Variants in TP53INP2 observed in about 807,000 individuals in gnomAD.
TP53INP2 encodes tumor protein p53 inducible nuclear protein 2, also known as tumor protein p53-inducible nuclear protein 2.
TP53INP2 carries 12 observed loss-of-function variants against 17.1 expected under a neutral mutation model. That is an observed-to-expected ratio of 0.70 (90% CI 0.45 to 1.14). The LOEUF (loss-of-function observed/expected upper bound fraction) is 1.14. Ranked by LOEUF, TP53INP2 falls within the 50% of genes most tolerant of loss-of-function variation. The probability of loss-of-function intolerance (pLI) is 0.00; values close to 1 mark genes in which losing one functional copy is unlikely to be tolerated. For missense variants in TP53INP2, 342 were observed against 330.9 expected, an observed-to-expected ratio of 1.03 and a Z score of -0.26; for synonymous variants, 145 against 147.3, an observed-to-expected ratio of 0.98 and a Z score of 0.12.
chr20:34,708,784 C>T lies in TP53INP2; in HGVS notation c.45C>T (p.Pro15=). The change falls in exon 3 of 5, where the codon CCC becomes CCT. Residue 15 remains proline, a synonymous_variant. Coordinates refer to ENST00000374810, the MANE Select transcript of TP53INP2 (RefSeq NM_021202.3). ...LSSLFFSTPS[P]PEDPDCPRAF... Reference sequence around the variant, plus strand: ...GCCTCTTCTTCAGCACCCCCTCGCCCCCCGAAGACCCCGACTGCCCCCGCG... The same window carrying T: ...GCCTCTTCTTCAGCACCCCCTCGCCTCCCGAAGACCCCGACTGCCCCCGCG... 1.2e-6 allele frequency: 2 copies of T among 1,608,234 alleles called. No homozygotes were observed. Among genetic ancestry groups the T allele is most frequent in the South Asian group, 1.1e-5 (1 of 90,024 alleles).
rs1233541035 is a variant in TP53INP2 at position 34,705,421 on chromosome 20, A to T, written c.-103A>T. On this transcript the variant is annotated 5_prime_UTR_variant, in exon 2 of 5. Coordinates refer to ENST00000374810, the MANE Select transcript of TP53INP2 (RefSeq NM_021202.3). Reference sequence around the variant, plus strand: ...CCCCTTCTGTCCTCACTGTACCTTGAAGTCCTAGAGTCCAATAAAATCGCT... The same window carrying T: ...CCCCTTCTGTCCTCACTGTACCTTGTAGTCCTAGAGTCCAATAAAATCGCT... 2.0e-5 allele frequency: 3 copies of T among 152,294 alleles called. No homozygotes were observed. The highest frequency in any genetic ancestry group is 4.4e-5 in the Non-Finnish European group (3 of 68,122). 9.4% of individuals were successfully genotyped at this position (152,294 alleles called of 1,614,324 possible). A position where few individuals can be genotyped will look rare whatever the true frequency, so the allele number is the denominator to read the frequency against.
Position 34,710,972 on chromosome 20 carries a change from TAGAG to T in TP53INP2, c.*666_*669del, listed in dbSNP as rs958186424. 6.5e-5 allele frequency: 10 copies of T among 152,702 alleles called. No homozygotes were observed. The highest frequency in any genetic ancestry group is 2.4e-4 in the African/African-American group (10 of 41,418). 9.5% of individuals were successfully genotyped at this position (152,702 alleles called of 1,614,324 possible). On this transcript the variant is annotated 3_prime_UTR_variant, in exon 5 of 5. Transcript: ENST00000374810. This position sits in a 1 kb window ranked among gnomAD's most constrained non-coding sequence, Gnocchi z 4.9. ...TAGAAGAGGACTGTGAGACGTGAGT[TAGAG>T]GGAGAAGATGGAGGGAATCTAGGGA...
In TP53INP2 at chr20:34,709,626, G is replaced by C. The variant is rs868200379; in HGVS notation, c.413+102G>C. On this transcript the variant is annotated intron_variant, in intron 4 of 4. Transcript: ENST00000374810. The surrounding 1 kb of genome is among the most constrained non-coding windows in gnomAD (Gnocchi z 5.4). ...GGTAGTGGGGCCAGGAGCCCGCCCC[G>C]CGCTCGAGGGGGTAGCGGCCTTGGG... The C allele has an allele frequency of 2.1e-6, 3 of 1,450,724 alleles. No individual in the cohort carries two copies. The highest frequency in any genetic ancestry group is 9.0e-7 in the Non-Finnish European group (1 of 1,109,356). The allele number at this position is 1,450,724 out of a possible 1,614,324, so 89.9% of individuals were successfully genotyped here.
rs1235986715 is a variant in TP53INP2 at position 34,710,562 on chromosome 20, A to G, written c.*255A>G. 2.8e-6 allele frequency: 1 copy of G among 355,124 alleles called. No individual in the cohort carries two copies. The highest frequency in any genetic ancestry group is 5.0e-6 in the Non-Finnish European group (1 of 201,582). 22.0% of individuals were successfully genotyped at this position (355,124 alleles called of 1,614,324 possible). On this transcript the variant is annotated 3_prime_UTR_variant, in exon 5 of 5. Coordinates refer to ENST00000374810, the MANE Select transcript of TP53INP2 (RefSeq NM_021202.3). This position sits in a 1 kb window ranked among gnomAD's most constrained non-coding sequence, Gnocchi z 4.9. Reference sequence around the variant, plus strand: ...CATGCCCCCTACTCCTGGCCCCTCCATCCTTTCTTCTCTGGTCCCCATCCC... The same window carrying G: ...CATGCCCCCTACTCCTGGCCCCTCCGTCCTTTCTTCTCTGGTCCCCATCCC...
Position 34,708,723 on chromosome 20 carries a change from G to A in TP53INP2, c.-17G>A, listed in dbSNP as rs1384551408. ...CACTGCCATAGGGCGCCCCCGTGAG[G>A]CGCTTCGCCCCCCACCATGTTCCAG... On this transcript the variant is annotated 5_prime_UTR_variant, in exon 3 of 5. Transcript: ENST00000374810. 2 of 1,563,804 alleles carry A rather than the reference G, an allele frequency of 1.3e-6. No homozygotes were observed. The highest frequency in any genetic ancestry group is 1.7e-6 in the Non-Finnish European group (2 of 1,156,174).
rs1832624569 is a variant in TP53INP2, at chr20:34,711,586, T to C, written c.*1279T>C. The C allele has an allele frequency of 6.6e-6, 1 of 152,216 alleles. No homozygotes were observed. The highest frequency in any genetic ancestry group is 6.5e-5 in the Admixed American group (1 of 15,282). The allele number at this position is 152,216 out of a possible 1,614,324, so 9.4% of individuals were successfully genotyped here. On this transcript the variant is annotated 3_prime_UTR_variant, in exon 5 of 5. Transcript: ENST00000374810. This position sits in a 1 kb window ranked among gnomAD's most constrained non-coding sequence, Gnocchi z 4.1. ...CTTTTCATTTTCTCCCACAGGCCTC[T>C]CTTTCTTTCTAGGTTGCTGGGGAGA... is the stretch of plus-strand genomic sequence containing the variant.
chr20:34,704,884 T>A (rs1271147208), intron 1 of TP53INP2: 1 of 152,378 alleles, frequency 6.6e-6, no homozygotes, highest in Non-Finnish European at 1.5e-5. Flanking sequence ...CTTTGCAACC[T>A]GAGAAGGAGT....
chr20:34,707,408 G>A (rs1471534193), intron 2 of TP53INP2, among the ~76,000 whole-genome samples: 2 of 152,178 alleles, frequency 1.3e-5, no homozygotes, highest in Admixed American at 1.3e-4. Flanking sequence ...AACCACACAG[G>A]CTCCAGGAGT....
intron 2 of TP53INP2, among the ~76,000 whole-genome samples, chr20:34,706,917 G>A (rs1387234956): frequency 6.6e-6 from 1 of 152,162 alleles, no homozygotes; most frequent in Non-Finnish European, 1.5e-5. Context: ...AACAGGTGTG[G>A]AGAGTCAGTC....
rs1213038084 is a variant in TP53INP2, at chr20:34,708,699, A to G, written c.-41A>G. On this transcript the variant is annotated 5_prime_UTR_variant, in exon 3 of 5. Coordinates refer to ENST00000374810, the MANE Select transcript of TP53INP2 (RefSeq NM_021202.3). ...GTCCTTCTGATTCCCAGGTTTTTGC[A>G]CTGCCATAGGGCGCCCCCGTGAGGC... 1.9e-6 allele frequency: 3 copies of G among 1,545,506 alleles called. 1 individual carries two copies. Among genetic ancestry groups the G allele is most frequent in the East Asian group, 4.8e-5 (2 of 41,572 alleles).
chr20:34,709,629 C>A lies in TP53INP2; in HGVS notation c.413+105C>A. On this transcript the variant is annotated intron_variant, in intron 4 of 4. Transcript: ENST00000374810. This position sits in a 1 kb window ranked among gnomAD's most constrained non-coding sequence, Gnocchi z 5.4. The stretch of plus-strand genomic sequence containing the variant: ...AGTGGGGCCAGGAGCCCGCCCCGCG[C>A]TCGAGGGGGTAGCGGCCTTGGGAGG... The A allele has an allele frequency of 6.9e-7, 1 of 1,449,422 alleles. No individual in the cohort carries two copies. The highest frequency in any genetic ancestry group is 9.0e-7 in the Non-Finnish European group (1 of 1,108,744). The allele number at this position is 1,449,422 out of a possible 1,614,324, so 89.8% of individuals were successfully genotyped here. A position where few individuals can be genotyped will look rare whatever the true frequency, so the allele number is the denominator to read the frequency against.
intron 3 of TP53INP2, 53 bp downstream of exon 3, chr20:34,708,916 G>T: frequency 6.3e-7 from 1 of 1,586,964 alleles, no homozygotes; most frequent in African/African-American, 1.3e-5. Context: ...AGGGCAGATG[G>T]CCTAGCAGCG....
chr20:34,712,084 G>A lies in TP53INP2; in HGVS notation c.*1777G>A, dbSNP rs934375434. 9 of 152,640 alleles carry A rather than the reference G, an allele frequency of 5.9e-5. No individual in the cohort carries two copies. The highest frequency in any genetic ancestry group is 2.2e-4 in the African/African-American group (9 of 41,424). 9.5% of individuals were successfully genotyped at this position (152,640 alleles called of 1,614,324 possible). A position where few individuals can be genotyped will look rare whatever the true frequency, so the allele number is the denominator to read the frequency against. On this transcript the variant is annotated 3_prime_UTR_variant, in exon 5 of 5. Transcript: ENST00000374810. The stretch of plus-strand genomic sequence containing the variant: ...GACCTGATGGGGTCTCCTATTCCAG[G>A]GAATAAGCCAAATTAACACTAAAAA...
In TP53INP2 at chr20:34,710,216, G is replaced by A. The variant is rs1988148257; in HGVS notation, c.572G>A (p.Arg191Gln). Residue 191 changes from arginine to glutamine, a missense_variant, in exon 5 of 5, where the codon CGG becomes CAG. Transcript: ENST00000374810. This position sits in a 1 kb window ranked among gnomAD's most constrained non-coding sequence, Gnocchi z 4.9. Reference sequence around the variant, plus strand: ...GCGCTGAGCGCCAAGGCGGTGCAGCGGCAGAACCGAGCCCGCGAGAGCCGT... The same window carrying A: ...GCGCTGAGCGCCAAGGCGGTGCAGCAGCAGAACCGAGCCCGCGAGAGCCGT... ...RHALSAKAVQ[R>Q]QNRARESRPR... is the part of the protein sequence containing the mutation. The A allele has an allele frequency of 1.3e-6, 2 of 1,484,682 alleles. No homozygotes were observed. The highest frequency in any genetic ancestry group is 1.4e-5 in the African/African-American group (1 of 70,108). 92.0% of individuals were successfully genotyped at this position (1,484,682 alleles called of 1,614,324 possible). A position where few individuals can be genotyped will look rare whatever the true frequency, so the allele number is the denominator to read the frequency against.
chr20:34,709,166 TGTGTGTG>T lies in TP53INP2; in HGVS notation c.125-69_125-63del. On this transcript the variant is annotated intron_variant, in intron 3 of 4. Transcript: ENST00000374810. This position sits in a 1 kb window ranked among gnomAD's most constrained non-coding sequence, Gnocchi z 5.4. Reference sequence around the variant, plus strand: ...TCTCCCCGCCCCCTTGTCCGGTGTGTGTGTGTGTGTGTGTGTGTGCCTCCTCGCTGCT... The same window carrying T: ...TCTCCCCGCCCCCTTGTCCGGTGTGTTGTGTGTGTGTGCCTCCTCGCTGCT... The T allele has an allele frequency of 2.1e-6, 1 of 485,530 alleles. No homozygotes were observed. 30.1% of individuals were successfully genotyped at this position (485,530 alleles called of 1,614,324 possible).
At position 34,709,860 on chromosome 20, in the gene TP53INP2, C is replaced by T. The variant is rs1988126238; in HGVS notation, c.414-198C>T. ...GTGGAATAGGGGGTGGGGGTCCAGT[C>T]TCCCCCGAGGTCCAGTTTACCTGTT... On this transcript the variant is annotated intron_variant, in intron 4 of 4. Coordinates refer to ENST00000374810, the MANE Select transcript of TP53INP2 (RefSeq NM_021202.3). The surrounding 1 kb of genome is among the most constrained non-coding windows in gnomAD (Gnocchi z 5.4). 6.6e-6 allele frequency among the ~76,000 whole-genome samples: 1 copy of T among 152,150 alleles called. No homozygotes were observed. Among genetic ancestry groups the T allele is most frequent in the African/African-American group, 2.4e-5 (1 of 41,432 alleles).
chr20:34,708,814 C>T lies in TP53INP2; in HGVS notation c.75C>T (p.Phe25=), dbSNP rs759444469. 5 of 1,613,438 alleles carry T rather than the reference C, an allele frequency of 3.1e-6. No individual in the cohort carries two copies. In the South Asian group the frequency reaches 3.3e-5, roughly 11 times the overall value. ...PPEDPDCPRA[F]VSEEDEVDGW... is the part of the protein sequence containing the mutation. ...AAGACCCCGACTGCCCCCGCGCCTT[C>T]GTGTCGGAGGAGGATGAAGTGGACG... Residue 25 remains phenylalanine, a synonymous_variant, in exon 3 of 5, where the codon TTC becomes TTT. Coordinates refer to ENST00000374810, the MANE Select transcript of TP53INP2 (RefSeq NM_021202.3).
At chr20:34,708,513 TAAAA>T (rs984762178) in intron 2 of TP53INP2, among the ~76,000 whole-genome samples, 174 bp from the exon 3 acceptor site, 1 of 147,660 alleles carries the variant, frequency 6.8e-6, no homozygotes, top group Non-Finnish European at 1.5e-5. Flanking sequence ...ATACAGAAGA[TAAAA>T]AAAAAACCCT....
chr20:34,708,180 C>T (rs931956340), intron 2 of TP53INP2, among the ~76,000 whole-genome samples: 2 of 152,202 alleles, frequency 1.3e-5, no homozygotes, highest in Non-Finnish European at 2.9e-5. Flanking sequence ...CCTTCCCTGG[C>T]AGAGCTGTGT....
Sources: gnomAD v4.1 joint callset for allele counts (sites outside exome capture counted in the v4.1 genomes callset) on GRCh38, gnomAD v4.1.1 for gene constraint, Gnocchi (gnomAD v3.1) non-coding constraint, MANE v1.5 for transcripts, NCBI Gene and HGNC (gene_info 2026-07-23, HGNC 2026-07-21) for gene names.